CPED1: variants seen among roughly 807,000 people sequenced by gnomAD.
CPED1 encodes cadherin like and PC-esterase domain containing 1.
A neutral mutation model predicts 128.2 loss-of-function variants in CPED1; 114 were observed. The ratio of observed to expected loss-of-function variants is 0.89; its 90% CI spans 0.76 to 1.04. The LOEUF (loss-of-function observed/expected upper bound fraction) is 1.04. Ranked by LOEUF, CPED1 falls within the 50% of genes least tolerant of loss-of-function variation. CPED1 has a pLI of 0.00. For missense variants in CPED1, 1,211 were observed against 1,207.1 expected (o/e 1.00, Z -0.05); for synonymous variants, 462 against 426.7 (o/e 1.08, Z -1.02).
At chr7:121,136,119 C>A in intron 14 of CPED1, 29 bp downstream of exon 14, 2 of 1,528,988 alleles carry the variant, frequency 1.3e-6, no homozygotes, top group South Asian at 2.7e-5. Context: ...GTTGTAGCAG[C>A]ATAATAAACA....
chr7:121,093,609 C>T (rs1291108111), intron 5 of CPED1, among the ~76,000 whole-genome samples: 3 of 152,168 alleles, frequency 2.0e-5, no homozygotes, highest in Admixed American at 6.6e-5. Flanking sequence ...ACCTTGTCCC[C>T]TGGCATCTAG....
chr7:121,164,473 GA>G (rs1796478551), intron 16 of CPED1, among the ~76,000 whole-genome samples: 1 of 152,148 alleles, frequency 6.6e-6, no homozygotes, highest in African/African-American at 2.4e-5. Flanking sequence ...AGCATGCATT[GA>G]AATTTCCCAG....
intron 16 of CPED1, among the ~76,000 whole-genome samples, chr7:121,230,956 G>A (rs1209482312): frequency 1.3e-5 from 2 of 152,018 alleles, no homozygotes; most frequent in African/African-American, 4.8e-5. Flanking sequence ...ACATCCAAGG[G>A]AGATGTCCAG....
intron 16 of CPED1, among the ~76,000 whole-genome samples, chr7:121,181,211 G>C (rs2116498148): frequency 6.6e-6 from 1 of 152,128 alleles, no homozygotes; most frequent in Non-Finnish European, 1.5e-5. Flanking sequence ...AAAGGTGAAT[G>C]GTTTCCCCAG....
At chr7:121,174,899 T>C (rs558234802) in intron 16 of CPED1, among the ~76,000 whole-genome samples, 4 of 152,258 alleles carry the variant, frequency 2.6e-5, no homozygotes, top group African/African-American at 9.6e-5. Context: ...TCTGATCTAT[T>C]TGAGCAGTGT....
chr7:121,271,539 C>A (rs1022731346), intron 22 of CPED1, 109 bp downstream of exon 22: 5 of 1,097,918 alleles, frequency 4.6e-6, no homozygotes, highest in Non-Finnish European at 6.7e-6. Flanking sequence ...AAAACAATGT[C>A]AGGTGGAGAT....
intron 5 of CPED1, among the ~76,000 whole-genome samples, chr7:121,074,510 T>TTTTTTTTG (rs1794074167): frequency 6.1e-5 from 1 of 16,460 alleles, no homozygotes; most frequent in African/African-American, 1.7e-4. Context: ...TTCCTTTGTG[T>TTTTTTTTG]TTTTTTTTTT....
intron 17 of CPED1, among the ~76,000 whole-genome samples, chr7:121,239,298 C>A (rs563990717): frequency 1.3e-5 from 2 of 151,998 alleles, no homozygotes; most frequent in South Asian, 2.1e-4. Context: ...TCTCAATATA[C>A]CATTTTCAAT....
intron 3 of CPED1, among the ~76,000 whole-genome samples, chr7:121,026,039 C>T (rs571337416): frequency 1.3e-5 from 2 of 152,304 alleles, no homozygotes; most frequent in African/African-American, 4.8e-5. Flanking sequence ...CTCATCATCA[C>T]ATCCCCCGTC....
At chr7:121,119,548 G>A (rs1041275940) in intron 7 of CPED1, among the ~76,000 whole-genome samples, 1 of 151,008 alleles carries the variant, frequency 6.6e-6, no homozygotes. Flanking sequence ...AGTTTTGGCC[G>A]GGCGCGGTGG....
chr7:121,229,062 T>C (rs1242732941), intron 16 of CPED1, among the ~76,000 whole-genome samples: 56 of 151,900 alleles, frequency 3.7e-4, no homozygotes, highest in Admixed American at 3.7e-3. Flanking sequence ...ATAAATTCAA[T>C]GTTTGATATC....
At chr7:121,290,419 A>G (rs1363896127) in intron 22 of CPED1, among the ~76,000 whole-genome samples, 2 of 152,164 alleles carry the variant, frequency 1.3e-5, no homozygotes, top group Non-Finnish European at 2.9e-5. Flanking sequence ...TTACACTCCC[A>G]CCAACAGTGT....
intron 5 of CPED1, among the ~76,000 whole-genome samples, chr7:121,085,387 A>AT (rs1327215389): frequency 6.6e-6 from 1 of 151,960 alleles, no homozygotes; most frequent in African/African-American, 2.4e-5. Context: ...AATAAATTGG[A>AT]TTTTTTCAGT....
At position 121,044,650 on chromosome 7, in the gene CPED1, C is replaced by CT. The variant is rs58884492; in HGVS notation, c.434-2218dup. ...TTGCTGAGAGCAGTGACTTTCTGCT[C>CT]TTTTTTTTTTTTTTTTTTTGCTATT... is the stretch of plus-strand genomic sequence containing the variant. On this transcript the variant is annotated intron_variant, in intron 3 of 22. Coordinates refer to ENST00000310396, the MANE Select transcript of CPED1 (RefSeq NM_024913.5). Among the ~76,000 whole-genome samples the CT allele has an allele frequency of 3.6e-3, 384 of 106,030 alleles. 9 individuals carry two copies. Among genetic ancestry groups the CT allele is most frequent in the Middle Eastern group, 6.4e-3 (1 of 156 alleles). The allele number at this position is 106,030 out of a possible 152,430, so 69.6% of individuals were successfully genotyped here.
At chr7:121,289,047 G>T (rs977450769) in intron 22 of CPED1, among the ~76,000 whole-genome samples, 4 of 152,092 alleles carry the variant, frequency 2.6e-5, no homozygotes, top group African/African-American at 9.7e-5. Flanking sequence ...AAATAAGGGT[G>T]GAAAGAGCTG....
chr7:121,163,213 A>G (rs186967988), intron 16 of CPED1, among the ~76,000 whole-genome samples: 37 of 152,278 alleles, frequency 2.4e-4, no homozygotes, highest in Admixed American at 1.8e-3. Flanking sequence ...CTTCAATCAA[A>G]CATCTCTAAT....
At chr7:121,228,094 A>G (rs1250410475) in intron 16 of CPED1, among the ~76,000 whole-genome samples, 1 of 152,092 alleles carries the variant, frequency 6.6e-6, no homozygotes, top group Non-Finnish European at 1.5e-5. Context: ...GGTTTAGGCA[A>G]ATAATTTATG....
intron 16 of CPED1, among the ~76,000 whole-genome samples, chr7:121,234,618 G>A (rs575901836): frequency 2.8e-4 from 43 of 151,586 alleles, no homozygotes; most frequent in Non-Finnish European, 5.0e-4. Flanking sequence ...TAAATAAAAA[G>A]TAAAGCATTC....
chr7:121,128,579 G>C, intron 11 of CPED1, 93 bp downstream of exon 11: 1 of 696,312 alleles, frequency 1.4e-6, no homozygotes, highest in South Asian at 1.8e-5. Flanking sequence ...ACTAGATTAA[G>C]TATTTCTTTA....
Sources: allele counts gnomAD v4.1 joint callset (sites outside exome capture counted in the v4.1 genomes callset), GRCh38; gene constraint gnomAD v4.1.1; transcripts MANE v1.5; gene names NCBI Gene and HGNC (gene_info 2026-07-23, HGNC 2026-07-21).